Variants in MACROD2 observed in about 807,000 individuals in gnomAD.
The protein encoded by MACROD2 is mono-ADP ribosylhydrolase 2.
A neutral mutation model predicts 70.4 loss-of-function variants in MACROD2; 36 were observed. That is an observed-to-expected ratio of 0.51 (90% confidence interval 0.39 to 0.68). The LOEUF is 0.68. MACROD2 is among the 30% of genes least tolerant of loss of function. MACROD2 has a pLI of 0.00. For synonymous variants in MACROD2, 172 were observed against 178.8 expected (o/e 0.96, Z 0.30); for missense variants, 496 against 538.4 (o/e 0.92, Z 0.78).
chr20:14,383,307 GTT>G (rs3043692), intron 3 of MACROD2, among the ~76,000 whole-genome samples: 66,545 of 149,662 alleles, frequency 0.44, 16,633 homozygotes, highest in South Asian at 0.66. Context: ...ACCGTTTTTT[GTT>G]TTTTTTTTTG....
chr20:15,141,345 A>G (rs1049943170), intron 5 of MACROD2, among the ~76,000 whole-genome samples: 2 of 146,332 alleles, frequency 1.4e-5, no homozygotes, highest in African/African-American at 5.0e-5. Flanking sequence ...ATATCTGCAT[A>G]TAGAATTTAC....
intron 6 of MACROD2, among the ~76,000 whole-genome samples, chr20:15,421,338 C>T (rs1947793262): frequency 6.6e-6 from 1 of 151,592 alleles, no homozygotes; most frequent in Admixed American, 6.6e-5. Flanking sequence ...ATAATCCTGC[C>T]ACTGCACTCC....
At chr20:16,038,632 A>C (rs2067266915) in intron 15 of MACROD2, among the ~76,000 whole-genome samples, 1 of 151,656 alleles carries the variant, frequency 6.6e-6, no homozygotes, top group African/African-American at 2.4e-5. Flanking sequence ...CTTGGCATCC[A>C]ATTTCCAAAA....
chr20:15,841,702 A>T (rs986265423), intron 8 of MACROD2, among the ~76,000 whole-genome samples: 5 of 152,108 alleles, frequency 3.3e-5, no homozygotes, highest in African/African-American at 7.2e-5. Flanking sequence ...GCAATGTAAG[A>T]TGTAGGTAGG....
intron 15 of MACROD2, among the ~76,000 whole-genome samples, chr20:16,006,053 T>C (rs757963843): frequency 4.6e-5 from 7 of 152,184 alleles, no homozygotes; most frequent in Non-Finnish European, 1.0e-4. Context: ...ATGAAGAGCT[T>C]GAAAAGCCAA....
intron 8 of MACROD2, among the ~76,000 whole-genome samples, chr20:15,618,404 A>G (rs1938912171): frequency 6.6e-6 from 1 of 152,078 alleles, no homozygotes; most frequent in Admixed American, 6.6e-5. Context: ...TCTCATCTCT[A>G]GTGGACTCCA....
chr20:14,737,963 A>G (rs1440815943), intron 5 of MACROD2, among the ~76,000 whole-genome samples: 1 of 152,152 alleles, frequency 6.6e-6, no homozygotes, highest in Non-Finnish European at 1.5e-5. Context: ...GCTAGGAGTT[A>G]GTTGTTTATT....
rs1293922120 is a variant in MACROD2, at chr20:16,052,744, G to A, written c.*2868G>A. 2 of 152,578 alleles carry A rather than the reference G, an allele frequency of 1.3e-5. No individual in the cohort carries two copies. The highest frequency in any genetic ancestry group is 3.9e-4 in the East Asian group (2 of 5,186). The allele number at this position is 152,578 out of a possible 1,614,324, so 9.5% of individuals were successfully genotyped here. A position where few individuals can be genotyped will look rare whatever the true frequency, so the allele number is the denominator to read the frequency against. ...GTGAATTAATACAGTTCTGCTTGAT[G>A]CACTTGATTTGAAAAGACATTTCTC... On this transcript the variant is annotated 3_prime_UTR_variant, in exon 18 of 18. Transcript: ENST00000684519.
intron 5 of MACROD2, among the ~76,000 whole-genome samples, chr20:14,787,629 T>A (rs1056398614): frequency 3.3e-5 from 5 of 152,106 alleles, no homozygotes; most frequent in Admixed American, 6.5e-5. Context: ...GTAGAGTAAG[T>A]ACAGTAGACA....
At chr20:14,968,094 T>C (rs2074655114) in intron 5 of MACROD2, among the ~76,000 whole-genome samples, 1 of 152,196 alleles carries the variant, frequency 6.6e-6, no homozygotes, top group Non-Finnish European at 1.5e-5. Context: ...ATGATTGCAA[T>C]TGTGAGGTTT....
chr20:15,370,359 A>G (rs1038811955), intron 6 of MACROD2, among the ~76,000 whole-genome samples: 1 of 152,102 alleles, frequency 6.6e-6, no homozygotes, highest in Non-Finnish European at 1.5e-5. Context: ...CACTTATAAA[A>G]AAGAAGACAC....
At chr20:14,842,063 G>T in intron 5 of MACROD2, among the ~76,000 whole-genome samples, 1 of 152,054 alleles carries the variant, frequency 6.6e-6, no homozygotes, top group East Asian at 1.9e-4. Flanking sequence ...TCTAGAGGCT[G>T]GGAAGTCCAA....
chr20:15,001,498 A>G (rs1308155157), intron 5 of MACROD2, among the ~76,000 whole-genome samples: 1 of 152,170 alleles, frequency 6.6e-6, no homozygotes, highest in Non-Finnish European at 1.5e-5. Flanking sequence ...CAGGTGTTTA[A>G]CTGTTGCATT....
intron 3 of MACROD2, chr20:14,327,221 C>T (rs1460890844): frequency 1.2e-6 from 2 of 1,613,618 alleles, no homozygotes; most frequent in African/African-American, 1.3e-5. Flanking sequence ...GGAAATTCAT[C>T]TAAACTGTTG....
intron 4 of MACROD2, among the ~76,000 whole-genome samples, chr20:14,579,695 G>T (rs909415521): frequency 6.6e-6 from 1 of 152,014 alleles, no homozygotes; most frequent in Non-Finnish European, 1.5e-5. Flanking sequence ...TGAAGGAAAA[G>T]CCCATTTTTA....
intron 2 of MACROD2, among the ~76,000 whole-genome samples, chr20:14,077,894 C>CTTTTTTTTTTTTTTTTTTTT (rs58677755): frequency 5.0e-5 from 6 of 120,504 alleles, no homozygotes; most frequent in Non-Finnish European, 1.8e-5. Context: ...AAAGGTTTTT[C>CTTTTTTTTTTTTTTTTTTTT]TTTTTTTTTT....
intron 3 of MACROD2, among the ~76,000 whole-genome samples, chr20:14,418,380 G>A (rs1468614689): frequency 6.6e-6 from 1 of 152,150 alleles, no homozygotes; most frequent in Non-Finnish European, 1.5e-5. Context: ...TTGAGGATTT[G>A]AAGTGAGAAC....
In MACROD2 at chr20:15,589,121, G is replaced by A. The variant is rs145621424; in HGVS notation, c.645+89274G>A. Among the ~76,000 whole-genome samples, 608 of 152,240 alleles carry A rather than the reference G, an allele frequency of 4.0e-3. 4 individuals are homozygous for A. Among genetic ancestry groups the A allele is most frequent in the African/African-American group, 0.014 (565 of 41,522 alleles). On this transcript the variant is annotated intron_variant, in intron 8 of 17. Transcript: ENST00000684519. The stretch of plus-strand genomic sequence containing the variant: ...AGGCAAAAGGCACTTCTTACATGGC[G>A]GCAGCAAGAGAAAATGAGGAGGAAG...
At chr20:14,201,446 A>G (rs2081478730) in intron 3 of MACROD2, among the ~76,000 whole-genome samples, 1 of 152,192 alleles carries the variant, frequency 6.6e-6, no homozygotes, top group Non-Finnish European at 1.5e-5. Context: ...TCATAAAGAA[A>G]TCTTACAAAG....
Sources: gnomAD v4.1 joint callset for allele counts (sites outside exome capture counted in the v4.1 genomes callset) on GRCh38, gnomAD v4.1.1 for gene constraint, MANE v1.5 for transcripts, NCBI Gene and HGNC (gene_info 2026-07-23, HGNC 2026-07-21) for gene names.